SLC35F3: variants seen among roughly 807,000 people sequenced by gnomAD.
SLC35F3 encodes solute carrier family 35 member F3.
A neutral mutation model predicts 49.9 loss-of-function variants in SLC35F3; 25 were observed. The ratio of observed to expected loss-of-function variants is 0.50; its 90% CI spans 0.37 to 0.70. The LOEUF (loss-of-function observed/expected upper bound fraction) is 0.70, where lower values mean the gene tolerates loss of function less well. SLC35F3 is among the 30% of genes least tolerant of loss of function. The pLI is 0.00. For missense variants in SLC35F3, 525 were observed against 639.8 expected (o/e 0.82, Z 1.94); for synonymous variants, 275 against 265.4 (o/e 1.04, Z -0.35).
At chr1:234,229,310 A>C (rs991011132) in intron 2 of SLC35F3, among the ~76,000 whole-genome samples, 2 of 150,312 alleles carry the variant, frequency 1.3e-5, no homozygotes, top group African/African-American at 5.0e-5. Context: ...ATAACAGTGT[A>C]GTGAGTTTGG....
At chr1:234,265,643 C>T (rs1667967712) in intron 3 of SLC35F3, among the ~76,000 whole-genome samples, 1 of 152,126 alleles carries the variant, frequency 6.6e-6, no homozygotes, top group African/African-American at 2.4e-5. Flanking sequence ...CAAGGTTAGC[C>T]TCCCAAGCGT....
intron 2 of SLC35F3, among the ~76,000 whole-genome samples, chr1:234,102,561 G>A (rs1034597828): frequency 6.6e-6 from 1 of 152,210 alleles, no homozygotes; most frequent in Non-Finnish European, 1.5e-5. Flanking sequence ...GGGAAGAGAT[G>A]AATGAGTTAG....
intron 2 of SLC35F3, among the ~76,000 whole-genome samples, chr1:234,054,260 T>C (rs1664423628): frequency 6.6e-6 from 1 of 152,232 alleles, no homozygotes; most frequent in Non-Finnish European, 1.5e-5. Context: ...CCATTCTCCC[T>C]GTCACTTTCA....
intron 3 of SLC35F3, among the ~76,000 whole-genome samples, chr1:234,306,980 A>G (rs1383913472): frequency 6.6e-6 from 1 of 152,168 alleles, no homozygotes; most frequent in African/African-American, 2.4e-5. Context: ...ATTGACATTA[A>G]TGGCCAGAAA....
At chr1:234,223,110 T>C (rs922255232) in intron 2 of SLC35F3, among the ~76,000 whole-genome samples, 1 of 152,220 alleles carries the variant, frequency 6.6e-6, no homozygotes, top group African/African-American at 2.4e-5. Flanking sequence ...GGCTTACCCA[T>C]ACCCTGTCAG....
chr1:234,069,632 C>A (rs757343643), intron 2 of SLC35F3, among the ~76,000 whole-genome samples: 1 of 152,164 alleles, frequency 6.6e-6, no homozygotes, highest in Non-Finnish European at 1.5e-5. Flanking sequence ...CCAGAACTTA[C>A]GAGTCTTCTT....
Position 234,214,645 on chromosome 1 carries a change from C to T in SLC35F3, c.284-16772C>T, listed in dbSNP as rs1667094058. The T allele has an allele frequency of 2.7e-6, 4 of 1,472,690 alleles. No homozygotes were observed. The South Asian group carries it at 5.3e-5, about 19-fold the overall frequency. 91.2% of individuals were successfully genotyped at this position (1,472,690 alleles called of 1,614,324 possible). A position where few individuals can be genotyped will look rare whatever the true frequency, so the allele number is the denominator to read the frequency against. On this transcript the variant is annotated intron_variant, in intron 2 of 7. Coordinates refer to ENST00000366618, the MANE Select transcript of SLC35F3 (RefSeq NM_173508.4). This position sits in a 1 kb window ranked among gnomAD's most constrained non-coding sequence, Gnocchi z 8.0. ...GGGAATGCTGCCACCCTGAGGGGGGCTGTCTGGCTGCGGGGCGCCGGGGCT... is the reference window on the plus strand; with the variant it reads ...GGGAATGCTGCCACCCTGAGGGGGGTTGTCTGGCTGCGGGGCGCCGGGGCT...
intron 2 of SLC35F3, among the ~76,000 whole-genome samples, chr1:234,210,183 C>T (rs1005210117): frequency 6.6e-6 from 1 of 152,168 alleles, no homozygotes; most frequent in Non-Finnish European, 1.5e-5. Context: ...ACTTGCTCCT[C>T]CTTGCCTTCC....
chr1:234,197,623 GA>G (rs1474344472), intron 2 of SLC35F3, among the ~76,000 whole-genome samples: 2 of 152,220 alleles, frequency 1.3e-5, no homozygotes, highest in Admixed American at 6.5e-5. Context: ...GGGGAAGTGA[GA>G]GGGGCAGTTC....
At chr1:234,070,175 C>G (rs1282488423) in intron 2 of SLC35F3, among the ~76,000 whole-genome samples, 1 of 152,192 alleles carries the variant, frequency 6.6e-6, no homozygotes, top group East Asian at 1.9e-4. Context: ...CCTGTACAAA[C>G]ACAGCATCCT....
intron 2 of SLC35F3, among the ~76,000 whole-genome samples, chr1:233,947,235 C>T (rs1662526836): frequency 1.3e-5 from 2 of 152,056 alleles, no homozygotes; most frequent in Non-Finnish European, 2.9e-5. Context: ...TGAGATTCAC[C>T]AACTTCTGAT....
chr1:233,934,456 A>G (rs1662293595), intron 2 of SLC35F3, among the ~76,000 whole-genome samples: 2 of 152,206 alleles, frequency 1.3e-5, no homozygotes, highest in African/African-American at 4.8e-5. Flanking sequence ...AGTCAGCTAG[A>G]TGGGTTATAC....
chr1:233,926,621 G>A (rs147064236), intron 2 of SLC35F3, among the ~76,000 whole-genome samples: 1,591 of 152,244 alleles, frequency 0.01, 27 homozygotes, highest in African/African-American at 0.037. Context: ...CCGATCTTCT[G>A]AAGCCTACTT....
At position 234,214,106 on chromosome 1, in the gene SLC35F3, A is replaced by AC. The variant is rs1667078746; in HGVS notation, c.284-17309dup. 2.1e-6 allele frequency: 2 copies of AC among 947,760 alleles called. No individual in the cohort carries two copies. The highest frequency in any genetic ancestry group is 1.2e-4 in the Admixed American group (2 of 17,100). 58.7% of individuals were successfully genotyped at this position (947,760 alleles called of 1,614,324 possible). A position where few individuals can be genotyped will look rare whatever the true frequency, so the allele number is the denominator to read the frequency against. On this transcript the variant is annotated intron_variant, in intron 2 of 7. Coordinates refer to ENST00000366618, the MANE Select transcript of SLC35F3 (RefSeq NM_173508.4). This position sits in a 1 kb window ranked among gnomAD's most constrained non-coding sequence, Gnocchi z 8.0. ...GTGGTGGCCAGAGGCTGCAGTCAGG[A>AC]CCTGGCTGGGAGGAAGACAGGGATG...
chr1:234,166,383 T>C (rs1666319754), intron 2 of SLC35F3, among the ~76,000 whole-genome samples: 1 of 152,186 alleles, frequency 6.6e-6, no homozygotes, highest in Non-Finnish European at 1.5e-5. Context: ...GTTCTGTGAG[T>C]TTGGACAAAT....
intron 2 of SLC35F3, among the ~76,000 whole-genome samples, chr1:234,203,175 A>G (rs1666924248): frequency 6.6e-6 from 1 of 152,236 alleles, no homozygotes; most frequent in African/African-American, 2.4e-5. Flanking sequence ...GGGAGTGATC[A>G]TTTACTTTTG....
At chr1:233,977,658 A>C (rs1663112827) in intron 2 of SLC35F3, among the ~76,000 whole-genome samples, 1 of 152,190 alleles carries the variant, frequency 6.6e-6, no homozygotes, top group South Asian at 2.1e-4. Context: ...CTCATCATCC[A>C]TGAAACATTT....
intron 2 of SLC35F3, among the ~76,000 whole-genome samples, chr1:234,142,522 G>A (rs532048053): frequency 1.4e-4 from 22 of 152,254 alleles, no homozygotes; most frequent in African/African-American, 2.2e-4. Context: ...GGAATTAGAC[G>A]TTATGCTTGC....
intron 2 of SLC35F3, among the ~76,000 whole-genome samples, chr1:234,022,561 T>G (rs1663912477): frequency 1.3e-5 from 2 of 152,158 alleles, no homozygotes; most frequent in Admixed American, 1.3e-4. Context: ...GATTTAAGTG[T>G]TAGTCACATC....
Sources: gnomAD v4.1 joint callset for allele counts (sites outside exome capture counted in the v4.1 genomes callset) on GRCh38, gnomAD v4.1.1 for gene constraint, Gnocchi (gnomAD v3.1) non-coding constraint, MANE v1.5 for transcripts, NCBI Gene and HGNC (gene_info 2026-07-23, HGNC 2026-07-21) for gene names.